Variants in SPRR3 observed in about 807,000 individuals in gnomAD.
SPRR3 encodes small proline rich protein 3, also known as small proline-rich protein 3.
For synonymous variants in SPRR3, 58 were observed against 72.3 expected (o/e 0.80, Z 1.01); for missense variants, 183 against 200.3 (o/e 0.91, Z 0.52).
Position 153,003,041 on chromosome 1 carries a change from G to T in SPRR3, c.21G>T (p.Lys7Asn), listed in dbSNP as rs1033415800. 1 of 1,613,574 alleles carries T rather than the reference G, an allele frequency of 6.2e-7. No homozygotes were observed. The highest frequency in any genetic ancestry group is 1.7e-5 in the Admixed American group (1 of 59,940). The change falls in exon 2 of 2, where the codon AAG (lysine) becomes AAT (asparagine). Residue 7 changes from lysine (K) to asparagine (N), a missense_variant. Physicochemically the swap from Lys to Asn is moderately conservative, Grantham distance 94. Transcript: ENST00000295367. ...GAAGCATGAGTTCTTACCAGCAGAA[G>T]CAGACCTTTACCCCACCACCTCAGC... MSSYQQ[K>N]QTFTPPPQLQ...
chr1:153,002,844 T>C (rs1037412665), intron 1 of SPRR3, among the ~76,000 whole-genome samples, 158 bp from the exon 2 acceptor site: 3 of 152,128 alleles, frequency 2.0e-5, no homozygotes, highest in Non-Finnish European at 4.4e-5. Context: ...GGAAGATAAG[T>C]GGGGATCACC....
Position 153,003,778 on chromosome 1 carries a change from C to T in SPRR3, c.*248C>T. 2 of 563,490 alleles carry T rather than the reference C, an allele frequency of 3.5e-6. No homozygotes were observed. Among genetic ancestry groups the T allele is most frequent in the Non-Finnish European group, 6.3e-6 (2 of 317,854 alleles). 34.9% of individuals were successfully genotyped at this position (563,490 alleles called of 1,614,324 possible). ...TCATGGCTTTTCTGGTCTTCGGCTG[C>T]TCAGGGTTCATCTGAAGATTCGAAT... On this transcript the variant is annotated 3_prime_UTR_variant, in exon 2 of 2. Coordinates refer to ENST00000295367, the MANE Select transcript of SPRR3 (RefSeq NM_001097589.2).
At position 153,003,473 on chromosome 1, in the gene SPRR3, G is replaced by T. The variant is rs771210760; in HGVS notation, c.453G>T (p.Glu151Asp). The T allele has an allele frequency of 1.5e-5, 24 of 1,613,968 alleles. No individual in the cohort carries two copies. In the East Asian group the frequency reaches 5.4e-4, roughly 36 times the overall value. The change falls in exon 2 of 2, where the codon GAG (glutamate) becomes GAT (aspartate). Residue 151 changes from glutamate (E) to aspartate (D), a missense_variant. Physicochemically the swap from Glu to Asp is conservative, Grantham distance 45 (BLOSUM62 2). Coordinates refer to ENST00000295367, the MANE Select transcript of SPRR3 (RefSeq NM_001097589.2). ...VPVPGYTKLP[E>D]PCPSTVTPGP... is the part of the protein sequence containing the mutation. ...TGCCAGGCTACACAAAGCTACCAGA[G>T]CCATGTCCTTCAACGGTCACTCCAG... is the stretch of plus-strand genomic sequence containing the variant.
intron 1 of SPRR3, 148 bp from the exon 2 acceptor site, chr1:153,002,854 C>T: frequency 1.2e-6 from 1 of 860,258 alleles, no homozygotes; most frequent in Non-Finnish European, 1.8e-6. Flanking sequence ...TGGGGATCAC[C>T]AAAGCATCCC....
rs751122300 is a variant in SPRR3, at chr1:153,003,202, TCCCTG to T, written c.183_187del (p.Pro62AlafsTer8). 41 of 1,217,236 alleles carry T rather than the reference TCCCTG, an allele frequency of 3.4e-5. No homozygotes were observed. Among genetic ancestry groups the T allele is most frequent in the South Asian group, 2.5e-4 (14 of 56,548 alleles). The allele number at this position is 1,217,236 out of a possible 1,614,324, so 75.4% of individuals were successfully genotyped here. ...ATTCCAGAGCCAGGCTGTACCAAGG[TCCCTG>T]AGCCAGGCTGTACCAAGGTCCCTGA... On this transcript the variant is annotated frameshift_variant, in exon 2 of 2. Coordinates refer to ENST00000295367, the MANE Select transcript of SPRR3 (RefSeq NM_001097589.2). LOFTEE classifies it low-confidence loss of function (END_TRUNC).
chr1:153,003,048 T>C lies in SPRR3; in HGVS notation c.28T>C (p.Phe10Leu), dbSNP rs1652828428. MSSYQQKQT[F>L]TPPPQLQQQQ... is the part of the protein sequence containing the mutation. ...GAGTTCTTACCAGCAGAAGCAGACC[T>C]TTACCCCACCACCTCAGCTTCAACA... The change falls in exon 2 of 2, where the codon TTT (phenylalanine) becomes CTT (leucine). Residue 10 changes from phenylalanine to leucine, a missense_variant. Physicochemically the swap from Phe to Leu is conservative, Grantham distance 22. Coordinates refer to ENST00000295367, the MANE Select transcript of SPRR3 (RefSeq NM_001097589.2). The C allele has an allele frequency of 6.2e-7, 1 of 1,614,042 alleles. No homozygotes were observed. The highest frequency in any genetic ancestry group is 8.5e-7 in the Non-Finnish European group (1 of 1,179,974).
chr1:153,002,534 A>G (rs1343918397), intron 1 of SPRR3: 1 of 163,770 alleles, frequency 6.1e-6, no homozygotes, highest in Non-Finnish European at 1.4e-5. Context: ...CACAGCCAAG[A>G]GTGGTATTAA....
chr1:153,003,284 A>G lies in SPRR3; in HGVS notation c.264A>G (p.Pro88=), dbSNP rs1291094693. The change falls in exon 2 of 2, where the codon CCA becomes CCG. Residue 88 remains proline (P), a synonymous_variant. Transcript: ENST00000295367. ...CAGGTTGTACCAAGGTCCCTGAGCC[A>G]GGCTGTACCAAGGTCCCTGAGCCAG... ...PEPGCTKVPE[P]GCTKVPEPGC... 1.9e-6 allele frequency: 3 copies of G among 1,606,806 alleles called. No homozygotes were observed.
chr1:153,002,112 G>A (rs1286074648), intron 1 of SPRR3: 1 of 152,188 alleles, frequency 6.6e-6, no homozygotes, highest in Non-Finnish European at 1.5e-5. Flanking sequence ...CAAAAGATAA[G>A]TTTTTCTTTA....
rs766105216 is a variant in SPRR3, at chr1:153,003,206, TGAGCCAGGCTGTACCAAGGTCCC to T, written c.187_209del (p.Glu63Ter). On this transcript the variant is annotated frameshift_variant, in exon 2 of 2. Coordinates refer to ENST00000295367, the MANE Select transcript of SPRR3 (RefSeq NM_001097589.2). LOFTEE classifies it low-confidence loss of function (END_TRUNC). The stretch of plus-strand genomic sequence containing the variant: ...CAGAGCCAGGCTGTACCAAGGTCCC[TGAGCCAGGCTGTACCAAGGTCCC>T]TGAGCCAGGCTGTACCAAGGTCCCT... 1.7e-6 allele frequency: 2 copies of T among 1,173,278 alleles called. No individual in the cohort carries two copies. Among genetic ancestry groups the T allele is most frequent in the Admixed American group, 2.4e-5 (1 of 41,236 alleles). The allele number at this position is 1,173,278 out of a possible 1,614,324, so 72.7% of individuals were successfully genotyped here. A position where few individuals can be genotyped will look rare whatever the true frequency, so the allele number is the denominator to read the frequency against.
rs772135869 is a variant in SPRR3 at position 153,003,574 on chromosome 1, T to C, written c.*44T>C. On this transcript the variant is annotated 3_prime_UTR_variant, in exon 2 of 2. Coordinates refer to ENST00000295367, the MANE Select transcript of SPRR3 (RefSeq NM_001097589.2). Reference sequence around the variant, plus strand: ...CCTTGAGAAGCCAACCACCAGATGCTGGACACCCTCTTCCCATCTGTTTCT... The same window carrying C: ...CCTTGAGAAGCCAACCACCAGATGCCGGACACCCTCTTCCCATCTGTTTCT... 1.9e-6 allele frequency: 3 copies of C among 1,602,358 alleles called. No homozygotes were observed. The highest frequency in any genetic ancestry group is 1.3e-5 in the African/African-American group (1 of 74,798).
In SPRR3 at chr1:153,001,780, T is replaced by C. The variant is rs17629427; in HGVS notation, c.-33T>C. 6.6e-6 allele frequency: 1 copy of C among 152,252 alleles called. No homozygotes were observed. Among genetic ancestry groups the C allele is most frequent in the Non-Finnish European group, 1.5e-5 (1 of 68,042 alleles). 9.4% of individuals were successfully genotyped at this position (152,252 alleles called of 1,614,324 possible). A position where few individuals can be genotyped will look rare whatever the true frequency, so the allele number is the denominator to read the frequency against. On this transcript the variant is annotated 5_prime_UTR_variant, in exon 1 of 2. Transcript: ENST00000295367. Reference sequence around the variant, plus strand: ...TCCCAGAGGCTGAACACCTCGACCTTCTCTGCACAGCAGGTGAGTCTCCGC... The same window carrying C: ...TCCCAGAGGCTGAACACCTCGACCTCCTCTGCACAGCAGGTGAGTCTCCGC...
rs955214013 is a variant in SPRR3, at chr1:153,002,692, C to G, written c.-19-310C>G. On this transcript the variant is annotated intron_variant, in intron 1 of 1. Coordinates refer to ENST00000295367, the MANE Select transcript of SPRR3 (RefSeq NM_001097589.2). ...GAGGATTCTTCAAAGAGTGTGTAAG[C>G]GAAAGCTTCAGAGTATATATTTGCA... is the stretch of plus-strand genomic sequence containing the variant. The G allele has an allele frequency of 9.7e-5, 28 of 287,518 alleles. No individual in the cohort carries two copies. In the Admixed American group the frequency reaches 1.0e-3, roughly 10 times the overall value. 17.8% of individuals were successfully genotyped at this position (287,518 alleles called of 1,614,324 possible).
chr1:153,003,206 TGAGCCAGGC>T lies in SPRR3; in HGVS notation c.187_195del (p.Glu63_Gly65del), dbSNP rs752626799. On this transcript the variant is annotated inframe_deletion, in exon 2 of 2. Transcript: ENST00000295367. The stretch of plus-strand genomic sequence containing the variant: ...CAGAGCCAGGCTGTACCAAGGTCCC[TGAGCCAGGC>T]TGTACCAAGGTCCCTGAGCCAGGCT... The T allele has an allele frequency of 1.3e-5, 15 of 1,173,278 alleles. No homozygotes were observed. Among genetic ancestry groups the T allele is most frequent in the East Asian group, 6.8e-5 (1 of 14,684 alleles). 72.7% of individuals were successfully genotyped at this position (1,173,278 alleles called of 1,614,324 possible).
rs573597674 is a variant in SPRR3 at position 153,001,804 on chromosome 1, G to A, written c.-20+11G>A. On this transcript the variant is annotated intron_variant, in intron 1 of 1. Coordinates refer to ENST00000295367, the MANE Select transcript of SPRR3 (RefSeq NM_001097589.2). ...TTCTCTGCACAGCAGGTGAGTCTCC[G>A]CATTAGGAACACCTTAATATTCTCC... 4.6e-5 allele frequency: 7 copies of A among 152,330 alleles called. No individual in the cohort carries two copies. The highest frequency in any genetic ancestry group is 2.1e-4 in the South Asian group (1 of 4,828). 9.4% of individuals were successfully genotyped at this position (152,330 alleles called of 1,614,324 possible). A position where few individuals can be genotyped will look rare whatever the true frequency, so the allele number is the denominator to read the frequency against.
In SPRR3 at chr1:153,003,208, AGCCAGGCTGTACCAAGGTCCCTG is replaced by A. The variant is rs1652842401; in HGVS notation, c.189_211del (p.Pro64AlafsTer8). The stretch of plus-strand genomic sequence containing the variant: ...GAGCCAGGCTGTACCAAGGTCCCTG[AGCCAGGCTGTACCAAGGTCCCTG>A]AGCCAGGCTGTACCAAGGTCCCTGA... On this transcript the variant is annotated frameshift_variant, in exon 2 of 2. Transcript: ENST00000295367. LOFTEE classifies it low-confidence loss of function (END_TRUNC). The A allele has an allele frequency of 6.3e-7, 1 of 1,591,116 alleles. No individual in the cohort carries two copies. The highest frequency in any genetic ancestry group is 1.1e-5 in the South Asian group (1 of 87,268).
Position 153,003,437 on chromosome 1 carries a change from C to A in SPRR3, c.417C>A (p.Thr139=). 2 of 1,614,008 alleles carry A rather than the reference C, an allele frequency of 1.2e-6. No homozygotes were observed. The highest frequency in any genetic ancestry group is 1.7e-6 in the Non-Finnish European group (2 of 1,179,982). Reference sequence around the variant, plus strand: ...TCAAAGTTCCTGAGCAAGGATACACCAAAGTTCCTGTGCCAGGCTACACAA... The same window carrying A: ...TCAAAGTTCCTGAGCAAGGATACACAAAAGTTCCTGTGCCAGGCTACACAA... ...GAIKVPEQGY[T]KVPVPGYTKL... The change falls in exon 2 of 2, where the codon ACC becomes ACA. Residue 139 remains threonine, a synonymous_variant. Transcript: ENST00000295367.
Position 153,003,001 on chromosome 1 carries a change from G to C in SPRR3, c.-19-1G>C. On this transcript the variant is annotated splice_acceptor_variant, in intron 1 of 1. Transcript: ENST00000295367. LOFTEE classifies it low-confidence loss of function (5UTR_SPLICE). Reference sequence around the variant, plus strand: ...CACTGAATTAGCTGTTTTGTCTCTAGGTCCAGCATCCTTTGAAGCATGAGT... The same window carrying C: ...CACTGAATTAGCTGTTTTGTCTCTACGTCCAGCATCCTTTGAAGCATGAGT... 1.9e-6 allele frequency: 3 copies of C among 1,599,626 alleles called. No individual in the cohort carries two copies. The highest frequency in any genetic ancestry group is 2.6e-6 in the Non-Finnish European group (3 of 1,171,694).
intron 1 of SPRR3, 178 bp downstream of exon 1, chr1:153,001,971 G>C (rs1465886549): frequency 6.6e-6 from 1 of 152,164 alleles, no homozygotes. Context: ...CTTAGGATCA[G>C]AAAAGGGGAG....
Sources: gnomAD v4.1 joint callset for allele counts (sites outside exome capture counted in the v4.1 genomes callset) on GRCh38, gnomAD v4.1.1 for gene constraint, MANE v1.5 for transcripts, NCBI Gene and HGNC (gene_info 2026-07-23, HGNC 2026-07-21) for gene names.